Variants in VWA8 observed in about 807,000 individuals in gnomAD.
VWA8 encodes von Willebrand factor A domain containing 8.
In VWA8, 221 loss-of-function variants were observed where a neutral mutation model predicts 241.5. The observed-to-expected ratio is 0.91, with a 90% confidence interval of 0.82 to 1.02. The LOEUF (loss-of-function observed/expected upper bound fraction) is 1.02, where lower values mean the gene tolerates loss of function less well. Among genes scored for constraint, VWA8 ranks in the 50% least tolerant of loss-of-function variants. The pLI is 0.00. For missense variants in VWA8, 2,322 were observed against 2,328.7 expected (o/e 1.00, Z 0.06); for synonymous variants, 852 against 827.1 (o/e 1.03, Z -0.52).
At chr13:41,889,245 T>C (rs545577476) in intron 5 of VWA8, among the ~76,000 whole-genome samples, 39 of 152,222 alleles carry the variant, frequency 2.6e-4, no homozygotes, top group Non-Finnish European at 4.8e-4. Context: ...TGTGAGGTTC[T>C]CATGAGACAG....
At chr13:41,726,601 A>G (rs1483333777) in intron 24 of VWA8, among the ~76,000 whole-genome samples, 1 of 152,192 alleles carries the variant, frequency 6.6e-6, no homozygotes, top group Non-Finnish European at 1.5e-5. Context: ...CCTAAACAAC[A>G]AAGTATAGTG....
intron 21 of VWA8, among the ~76,000 whole-genome samples, chr13:41,740,906 T>C (rs17594951): frequency 0.16 from 24,693 of 152,018 alleles, 2,134 homozygotes; most frequent in Non-Finnish European, 0.2. Context: ...ATGGGTCAAA[T>C]TAGAAAAAAA....
chr13:41,689,596 T>C lies in VWA8; in HGVS notation c.3977-88A>G, dbSNP rs1593698525. The C allele has an allele frequency of 7.1e-6, 9 of 1,264,856 alleles. No individual in the cohort carries two copies. In the South Asian group the frequency reaches 1.5e-4, roughly 21 times the overall value. The allele number at this position is 1,264,856 out of a possible 1,614,324, so 78.4% of individuals were successfully genotyped here. On this transcript the variant is annotated intron_variant, in intron 33 of 44. Coordinates refer to ENST00000379310, the MANE Select transcript of VWA8 (RefSeq NM_015058.2). ...AAGATTTTATTCTCAACAAGTCAAA[T>C]GGAAAAGAACAAGTTAAAAAAGAGA... is the stretch of plus-strand genomic sequence containing the variant.
chr13:41,698,774 C>T (rs1371832902), intron 29 of VWA8, among the ~76,000 whole-genome samples: 2 of 152,174 alleles, frequency 1.3e-5, no homozygotes, highest in Non-Finnish European at 2.9e-5. Context: ...TTGTCTATCT[C>T]CCCAAAATGA....
At chr13:41,866,408 T>C (rs1593828740) in intron 10 of VWA8, among the ~76,000 whole-genome samples, 2 of 142,776 alleles carry the variant, frequency 1.4e-5, no homozygotes, top group African/African-American at 5.1e-5. Flanking sequence ...TGTGTGTATA[T>C]GTGTGTGTGT....
rs377219343 is a variant in VWA8 at position 41,831,891 on chromosome 13, A to T, written c.1587-1249T>A. Among the ~76,000 whole-genome samples the T allele has an allele frequency of 1.1e-4, 16 of 151,568 alleles. No homozygotes were observed. In the East Asian group the frequency reaches 1.4e-3, roughly 13 times the overall value. On this transcript the variant is annotated intron_variant, in intron 13 of 44. Coordinates refer to ENST00000379310, the MANE Select transcript of VWA8 (RefSeq NM_015058.2). ...CACCTCGGTCTCCCAAAATGCTGGGACTACAGGTGTGAGCTACTGCACCTG... is the reference window on the plus strand; with the variant it reads ...CACCTCGGTCTCCCAAAATGCTGGGTCTACAGGTGTGAGCTACTGCACCTG...
At chr13:41,934,500 A>G (rs940049946) in intron 2 of VWA8, among the ~76,000 whole-genome samples, 2 of 152,044 alleles carry the variant, frequency 1.3e-5, no homozygotes, top group African/African-American at 4.8e-5. Context: ...TTGTACATCA[A>G]TGTTGAGAGC....
At chr13:41,731,942 C>A in intron 22 of VWA8, 138 bp downstream of exon 22, 2 of 653,724 alleles carry the variant, frequency 3.1e-6, no homozygotes, top group South Asian at 2.4e-5. Context: ...TATAAATTAC[C>A]CCGTCTCAGG....
intron 34 of VWA8, among the ~76,000 whole-genome samples, chr13:41,685,492 TA>T (rs2045130319): frequency 6.6e-6 from 1 of 151,958 alleles, no homozygotes; most frequent in Admixed American, 6.6e-5. Context: ...CCCGTCCCTA[TA>T]AAAAATACAA....
chr13:41,901,827 C>T (rs1450315310), intron 4 of VWA8, among the ~76,000 whole-genome samples: 3 of 134,078 alleles, frequency 2.2e-5, no homozygotes, highest in African/African-American at 8.6e-5. Context: ...GATCATGCCA[C>T]TGCACTCCAG....
intron 37 of VWA8, among the ~76,000 whole-genome samples, chr13:41,634,107 T>C (rs1402971795): frequency 6.6e-6 from 1 of 152,114 alleles, no homozygotes; most frequent in Non-Finnish European, 1.5e-5. Context: ...GTGCCGTGGC[T>C]TGGTCAGCAG....
chr13:41,756,839 A>G (rs1389395723), intron 21 of VWA8, among the ~76,000 whole-genome samples: 1 of 151,718 alleles, frequency 6.6e-6, no homozygotes, highest in Non-Finnish European at 1.5e-5. Context: ...TATATACATT[A>G]AAACTGTCAA....
chr13:41,667,917 A>T (rs1269308908), intron 37 of VWA8, among the ~76,000 whole-genome samples: 1 of 152,208 alleles, frequency 6.6e-6, no homozygotes, highest in East Asian at 1.9e-4. Flanking sequence ...CTATCAAAGC[A>T]TGTAAAATTA....
intron 21 of VWA8, among the ~76,000 whole-genome samples, chr13:41,759,997 A>G (rs2045727996): frequency 6.6e-6 from 1 of 151,738 alleles, no homozygotes; most frequent in Middle Eastern, 3.2e-3. Flanking sequence ...CTTCTTTATC[A>G]GGGCTTAGTT....
chr13:41,854,850 T>C (rs1189807739), intron 12 of VWA8, among the ~76,000 whole-genome samples: 1 of 152,186 alleles, frequency 6.6e-6, no homozygotes, highest in East Asian at 1.9e-4. Flanking sequence ...TTTTAAAGGT[T>C]AGCAAATTGG....
At chr13:41,898,415 C>A (rs371534727) in intron 4 of VWA8, among the ~76,000 whole-genome samples, 2 of 152,224 alleles carry the variant, frequency 1.3e-5, no homozygotes, top group Non-Finnish European at 2.9e-5. Flanking sequence ...ACTCACAAAC[C>A]CTGAGCTAGA....
intron 21 of VWA8, among the ~76,000 whole-genome samples, chr13:41,740,754 C>G (rs150032142): frequency 6.6e-6 from 1 of 152,166 alleles, no homozygotes; most frequent in African/African-American, 2.4e-5. Flanking sequence ...CTCTCATCTC[C>G]TGGGAAATCT....
At chr13:41,816,677 G>A in intron 16 of VWA8, 21 bp downstream of exon 16, 1 of 1,596,794 alleles carries the variant, frequency 6.3e-7, no homozygotes, top group African/African-American at 1.3e-5. Flanking sequence ...AGAAAATCCT[G>A]TGGAAAAAGC....
At chr13:41,781,303 C>T (rs1179415641) in intron 19 of VWA8, among the ~76,000 whole-genome samples, 1 of 152,112 alleles carries the variant, frequency 6.6e-6, no homozygotes, top group Non-Finnish European at 1.5e-5. Context: ...TTATATATAG[C>T]TCCCTAAATG....
Sources: allele counts gnomAD v4.1 joint callset (sites outside exome capture counted in the v4.1 genomes callset), GRCh38; gene constraint gnomAD v4.1.1; transcripts MANE v1.5; gene names NCBI Gene and HGNC (gene_info 2026-07-23, HGNC 2026-07-21).